SUCLG2: variants seen among roughly 807,000 people sequenced by gnomAD.
SUCLG2 encodes the protein succinate--CoA ligase [GDP-forming] subunit beta, mitochondrial.
SUCLG2 carries 42 observed loss-of-function variants against 47.9 expected under a neutral mutation model. The ratio of observed to expected loss-of-function variants is 0.88; its 90% CI spans 0.69 to 1.14. The LOEUF (loss-of-function observed/expected upper bound fraction) is 1.14. Ranked by LOEUF, SUCLG2 falls within the 50% of genes most tolerant of loss-of-function variation. SUCLG2 has a pLI of 0.00. For missense variants in SUCLG2, 571 were observed against 525.9 expected, an observed-to-expected ratio of 1.09 and a Z score of -0.84; for synonymous variants, 195 against 197.3, an observed-to-expected ratio of 0.99 and a Z score of 0.10.
intron 2 of SUCLG2, among the ~76,000 whole-genome samples, chr3:67,594,854 A>G (rs1370924158): frequency 1.3e-5 from 2 of 152,242 alleles, no homozygotes; most frequent in African/African-American, 4.8e-5. Flanking sequence ...AAAGTTCAAA[A>G]GGGGTTTGAT....
intron 2 of SUCLG2, among the ~76,000 whole-genome samples, chr3:67,534,422 T>G (rs899605913): frequency 6.6e-6 from 1 of 152,044 alleles, no homozygotes; most frequent in African/African-American, 2.4e-5. Flanking sequence ...TTTTTTCATA[T>G]TTGCCATATG....
chr3:67,393,289 G>A (rs548625543), intron 10 of SUCLG2, among the ~76,000 whole-genome samples: 52 of 152,350 alleles, frequency 3.4e-4, no homozygotes, highest in African/African-American at 1.2e-3. Context: ...GTGACAGATG[G>A]CACCTGGAAA....
At chr3:67,513,256 C>T (rs1705847040) in intron 6 of SUCLG2, among the ~76,000 whole-genome samples, 1 of 152,222 alleles carries the variant, frequency 6.6e-6, no homozygotes. Flanking sequence ...CACAGATACA[C>T]ACTTAAATTG....
intron 7 of SUCLG2, among the ~76,000 whole-genome samples, chr3:67,502,848 T>C (rs1705535168): frequency 6.6e-6 from 1 of 152,204 alleles, no homozygotes; most frequent in African/African-American, 2.4e-5. Flanking sequence ...ATATTAATAG[T>C]TGGCATTTTA....
chr3:67,623,180 A>T (rs1173870773), intron 1 of SUCLG2, among the ~76,000 whole-genome samples: 3 of 152,130 alleles, frequency 2.0e-5, no homozygotes, highest in Non-Finnish European at 4.4e-5. Flanking sequence ...TGTTCCAAGA[A>T]TCATCTCCAT....
intron 2 of SUCLG2, among the ~76,000 whole-genome samples, chr3:67,572,637 G>C (rs1016393977): frequency 1.3e-5 from 2 of 152,126 alleles, no homozygotes; most frequent in African/African-American, 4.8e-5. Flanking sequence ...CTTACTAGCA[G>C]GAAGCTACTC....
At chr3:67,622,735 A>G (rs1700756678) in intron 1 of SUCLG2, among the ~76,000 whole-genome samples, 1 of 152,234 alleles carries the variant, frequency 6.6e-6, no homozygotes, top group South Asian at 2.1e-4. Context: ...CTACTTTGAA[A>G]AGATTAATAA....
In SUCLG2 at chr3:67,422,194, CTGG is replaced by C. The variant is rs1444115073; in HGVS notation, c.1063-21346_1063-21344del. ...GAAGTTTAAAAAAAGAACATTCAGGCTGGGCACAGTGGCTCATGCCTGTAATCC... is the reference window on the plus strand; with the variant it reads ...GAAGTTTAAAAAAAGAACATTCAGGCGCACAGTGGCTCATGCCTGTAATCC... On this transcript the variant is annotated intron_variant, in intron 9 of 10. Transcript: ENST00000307227. Among the ~76,000 whole-genome samples, 340 of 152,142 alleles carry C rather than the reference CTGG, an allele frequency of 2.2e-3. 1 individual carries two copies. The highest frequency in any genetic ancestry group is 7.7e-3 in the African/African-American group (321 of 41,512).
At chr3:67,397,179 T>G (rs1439650407) in intron 10 of SUCLG2, among the ~76,000 whole-genome samples, 2 of 151,868 alleles carry the variant, frequency 1.3e-5, no homozygotes, top group African/African-American at 4.8e-5. Context: ...CCAGGGCAAT[T>G]AGGCAGGAGA....
At chr3:67,626,652 C>A (rs1313549254) in intron 1 of SUCLG2, among the ~76,000 whole-genome samples, 1 of 152,128 alleles carries the variant, frequency 6.6e-6, no homozygotes, top group East Asian at 1.9e-4. Flanking sequence ...CAGTTGCTCA[C>A]GCCTGTAATC....
chr3:67,618,611 T>C (rs1700673960), intron 1 of SUCLG2, among the ~76,000 whole-genome samples: 2 of 152,154 alleles, frequency 1.3e-5, no homozygotes, highest in Admixed American at 1.3e-4. Flanking sequence ...ACCCATGAGC[T>C]TTCTATTATC....
chr3:67,645,139 A>G (rs1701168572), intron 1 of SUCLG2, among the ~76,000 whole-genome samples: 1 of 152,200 alleles, frequency 6.6e-6, no homozygotes, highest in Non-Finnish European at 1.5e-5. Context: ...GCCCTTTAAC[A>G]TAAAGAAAAT....
At chr3:67,560,570 G>A (rs1000639058) in intron 2 of SUCLG2, among the ~76,000 whole-genome samples, 1 of 152,156 alleles carries the variant, frequency 6.6e-6, no homozygotes, top group African/African-American at 2.4e-5. Flanking sequence ...CAGCATTGTG[G>A]TGGGGGTTCA....
intron 2 of SUCLG2, among the ~76,000 whole-genome samples, chr3:67,607,844 T>C (rs1173296164): frequency 1.3e-5 from 2 of 152,202 alleles, no homozygotes; most frequent in Non-Finnish European, 2.9e-5. Flanking sequence ...AGTTCTCGTC[T>C]GCCACCATGT....
intron 10 of SUCLG2, among the ~76,000 whole-genome samples, chr3:67,379,448 ACTT>A (rs1189042845): frequency 4.6e-5 from 7 of 152,216 alleles, no homozygotes; most frequent in Non-Finnish European, 7.4e-5. Context: ...TATTCAGATA[ACTT>A]CTTATTCAGT....
intron 10 of SUCLG2, among the ~76,000 whole-genome samples, chr3:67,391,339 G>C (rs955263181): frequency 6.6e-6 from 1 of 151,990 alleles, no homozygotes; most frequent in East Asian, 1.9e-4. Flanking sequence ...AGTACAAATC[G>C]TGTCCTTCTT....
chr3:67,611,157 A>G (rs985080928), intron 1 of SUCLG2, among the ~76,000 whole-genome samples: 6 of 152,246 alleles, frequency 3.9e-5, no homozygotes, highest in Non-Finnish European at 7.3e-5. Context: ...TAATGTATAC[A>G]TGCTGGTAAA....
chr3:67,448,120 A>G (rs1703970832), intron 9 of SUCLG2, among the ~76,000 whole-genome samples: 1 of 152,246 alleles, frequency 6.6e-6, no homozygotes, highest in African/African-American at 2.4e-5. Flanking sequence ...GAAATACAAA[A>G]GTTCATAAGG....
intron 1 of SUCLG2, among the ~76,000 whole-genome samples, chr3:67,620,215 C>T (rs1700708703): frequency 6.6e-6 from 1 of 152,056 alleles, no homozygotes; most frequent in Admixed American, 6.6e-5. Context: ...GGAGGAGAGG[C>T]AGGGAAGAAA....
Sources: allele counts gnomAD v4.1 joint callset (sites outside exome capture counted in the v4.1 genomes callset), GRCh38; gene constraint gnomAD v4.1.1; transcripts MANE v1.5; gene names NCBI Gene and HGNC (gene_info 2026-07-23, HGNC 2026-07-21).